The following C1QTNF9 variants were observed in gnomAD, a reference collection of about 807,000 sequenced individuals.
C1QTNF9 encodes C1q and TNF related 9.
A neutral mutation model predicts 10.1 loss-of-function variants in C1QTNF9; 6 were observed. The observed-to-expected ratio is 0.59, with a 90% CI of 0.32 to 1.17. The LOEUF is 1.17. Ranked by LOEUF, C1QTNF9 falls within the 50% of genes most tolerant of loss-of-function variation. C1QTNF9 has a pLI of 0.04. For synonymous variants in C1QTNF9, 98 were observed against 163.5 expected (o/e 0.60, Z 3.06); for missense variants, 201 against 418.8 (o/e 0.48, Z 4.54).
rs148862208 is a variant in C1QTNF9 at position 24,317,061 on chromosome 13, G to A, written c.166+892G>A. On this transcript the variant is annotated intron_variant, in intron 2 of 3. Transcript: ENST00000332018. Reference sequence around the variant, plus strand: ...TTTGAGTGGGCTGGATGAAGCCAAGGGTCACCAGGAAGCAACATTCTTTCT... The same window carrying A: ...TTTGAGTGGGCTGGATGAAGCCAAGAGTCACCAGGAAGCAACATTCTTTCT... Among the ~76,000 whole-genome samples the A allele has an allele frequency of 6.6e-5, 10 of 152,246 alleles. No homozygotes were observed. In the South Asian group the frequency reaches 1.0e-3, roughly 16 times the overall value.
At chr13:24,311,022 C>CTCTT (rs1046255115) in intron 1 of C1QTNF9, among the ~76,000 whole-genome samples, 10 of 151,786 alleles carry the variant, frequency 6.6e-5, no homozygotes, top group African/African-American at 2.4e-4. Flanking sequence ...GCTATTTTGA[C>CTCTT]TCTTAGATCG....
chr13:24,321,631 G>C (rs778516988), exon 4 of C1QTNF9: 50 of 1,614,100 alleles, frequency 3.1e-5, no homozygotes, highest in Non-Finnish European at 4.2e-5. Context: ...CCAGGCCTCT[G>C]GCGGCATTGT....
At chr13:24,314,309 G>A (rs1380471772) in intron 1 of C1QTNF9, among the ~76,000 whole-genome samples, 13 of 151,704 alleles carry the variant, frequency 8.6e-5, no homozygotes, top group Admixed American at 7.2e-4. Flanking sequence ...GGAGACTGGC[G>A]GGAGGATTAC....
At chr13:24,307,293 A>C (rs1877634271), upstream of C1QTNF9, 1 of 152,254 alleles carries the variant, frequency 6.6e-6, no homozygotes, top group African/African-American at 2.4e-5. Context: ...GAGAAACGTC[A>C]GTGGTTGGAG....
chr13:24,310,631 A>C (rs1347787849), intron 1 of C1QTNF9, among the ~76,000 whole-genome samples: 3 of 151,740 alleles, frequency 2.0e-5, no homozygotes, highest in African/African-American at 7.3e-5. Context: ...ATGTTGAAGA[A>C]GGCTGGGCGC....
intron 2 of C1QTNF9, among the ~76,000 whole-genome samples, chr13:24,317,255 G>A (rs1486567116): frequency 2.2e-5 from 1 of 46,312 alleles, no homozygotes; most frequent in African/African-American, 1.1e-4. Flanking sequence ...GACCACAGTA[G>A]TGTGTGTGTG....
chr13:24,317,723 G>A (rs545287999), intron 2 of C1QTNF9, among the ~76,000 whole-genome samples: 33 of 152,042 alleles, frequency 2.2e-4, no homozygotes, highest in African/African-American at 7.7e-4. Flanking sequence ...TTCATGCTTT[G>A]TGAGTTGTGG....
chr13:24,318,200 G>A (rs1237383050), intron 2 of C1QTNF9, among the ~76,000 whole-genome samples: 2 of 152,154 alleles, frequency 1.3e-5, no homozygotes, highest in Admixed American at 6.5e-5. Flanking sequence ...GAGCTCAGGG[G>A]GGCCTGTTCT....
intron 3 of C1QTNF9, among the ~76,000 whole-genome samples, chr13:24,319,103 C>T (rs909400960): frequency 6.6e-6 from 1 of 152,182 alleles, no homozygotes; most frequent in Non-Finnish European, 1.5e-5. Context: ...CACTACTCAA[C>T]TTCCCCTTGT....
chr13:24,322,473 CTA>C (rs1384987728), exon 4 of C1QTNF9: 1 of 152,220 alleles, frequency 6.6e-6, no homozygotes, highest in Non-Finnish European at 1.5e-5. Context: ...ACTTGAATCT[CTA>C]TGTGTTTTCT....
rs28661531 is a variant in C1QTNF9, at chr13:24,316,216, C to T, written c.166+47C>T. On this transcript the variant is annotated intron_variant, in intron 2 of 3. Transcript: ENST00000332018. ...CTGCCTTTCAACTTCTCTCTTCATT[C>T]CTTTCATCTCATTCACTCATCATCT... is the stretch of plus-strand genomic sequence containing the variant. The T allele has an allele frequency of 5.6e-6, 8 of 1,420,100 alleles. No individual in the cohort carries two copies. In the South Asian group the frequency reaches 7.4e-5, roughly 13 times the overall value. 88.0% of individuals were successfully genotyped at this position (1,420,100 alleles called of 1,614,324 possible).
At chr13:24,312,366 T>TAG (rs10650509) in intron 1 of C1QTNF9, among the ~76,000 whole-genome samples, 1 of 151,560 alleles carries the variant, frequency 6.6e-6, no homozygotes, top group South Asian at 2.1e-4. Flanking sequence ...GTAATTCAGA[T>TAG]GAGAGAGAGA....
chr13:24,316,979 G>C (rs1162743960), intron 2 of C1QTNF9, among the ~76,000 whole-genome samples: 4 of 152,228 alleles, frequency 2.6e-5, no homozygotes, highest in African/African-American at 9.6e-5. Context: ...CCTTTTTAAA[G>C]ATAAGTTTGT....
intron 1 of C1QTNF9, among the ~76,000 whole-genome samples, chr13:24,310,881 C>T (rs1218426199): frequency 2.2e-5 from 3 of 138,310 alleles, no homozygotes; most frequent in Non-Finnish European, 4.5e-5. Context: ...CACTGCACTC[C>T]AGCCTGGGCA....
At chr13:24,310,310 C>T (rs190316689) in intron 1 of C1QTNF9, among the ~76,000 whole-genome samples, 346 of 133,084 alleles carry the variant, frequency 2.6e-3, no homozygotes, top group Non-Finnish European at 4.3e-3. Flanking sequence ...CCTGCCACCG[C>T]GCCTGGCTAC....
chr13:24,308,263 G>T (rs77553819), upstream of C1QTNF9, among the ~76,000 whole-genome samples: 1 of 152,116 alleles, frequency 6.6e-6, no homozygotes, highest in Non-Finnish European at 1.5e-5. Context: ...GCCGGGCAGC[G>T]AGACGGGTGT....
chr13:24,313,313 GCTT>G (rs1313913631), intron 1 of C1QTNF9, among the ~76,000 whole-genome samples: 11 of 152,176 alleles, frequency 7.2e-5, no homozygotes, highest in Admixed American at 1.3e-4. Flanking sequence ...TTCCAGGCTG[GCTT>G]CTTCTTCCCT....
At chr13:24,309,283 T>TGATATATATATATATATATATA (rs1566212534), upstream of C1QTNF9, among the ~76,000 whole-genome samples, 1 of 68,266 alleles carries the variant, frequency 1.5e-5, no homozygotes, top group African/African-American at 4.9e-5. Flanking sequence ...ACTTAAAGTA[T>TGATATATATATATATATATATA]TATATATATA....
intron 2 of C1QTNF9, 110 bp downstream of exon 2, chr13:24,316,279 C>A (rs1301274057): frequency 5.0e-5 from 74 of 1,476,250 alleles, no homozygotes; most frequent in Admixed American, 7.4e-5. Context: ...CCCCATCCAT[C>A]CATACATACA....
Sources: allele counts gnomAD v4.1 joint callset (sites outside exome capture counted in the v4.1 genomes callset), GRCh38; gene constraint gnomAD v4.1.1; transcripts MANE v1.5; gene names NCBI Gene and HGNC (gene_info 2026-07-23, HGNC 2026-07-21).